Variants in ACTA2 observed in about 807,000 individuals in gnomAD.
ACTA2 encodes actin, aortic smooth muscle.
ACTA2 carries 12 observed loss-of-function variants against 39.5 expected under a neutral mutation model. That is an observed-to-expected ratio of 0.30 (90% CI 0.19 to 0.49). The LOEUF is 0.49. Among genes scored for constraint, ACTA2 ranks in the 20% least tolerant of loss-of-function variants. ACTA2 has a pLI of 0.99. For synonymous variants in ACTA2, 158 were observed against 180.6 expected, an observed-to-expected ratio of 0.88 and a Z score of 1.00; for missense variants, 236 against 498.8, an observed-to-expected ratio of 0.47 and a Z score of 5.02.
At chr10:88,956,033 T>C (rs1846132574), upstream of ACTA2, among the ~76,000 whole-genome samples, 1 of 152,190 alleles carries the variant, frequency 6.6e-6, no homozygotes, top group African/African-American at 2.4e-5. Context: ...ATGTAATTAT[T>C]AGCTATTATT....
At chr10:88,975,051 T>C (rs904785990) in intron 1 of ACTA2, 12 of 152,206 alleles carry the variant, frequency 7.9e-5, no homozygotes, top group East Asian at 3.8e-4. Context: ...ATTTCTAGCA[T>C]GTAGTTCGTG....
At chr10:88,953,408 T>C (rs1288551722), upstream of ACTA2, among the ~76,000 whole-genome samples, 11 of 152,216 alleles carry the variant, frequency 7.2e-5, no homozygotes, top group Admixed American at 1.3e-4. Flanking sequence ...AGCATTACTA[T>C]AACTACATTC....
rs138278009 is a variant in ACTA2, at chr10:88,951,173, G to A, written c.-24+1558C>T. On this transcript the variant is annotated intron_variant, in intron 1 of 8. Coordinates refer to ENST00000224784, the MANE Select transcript of ACTA2 (RefSeq NM_001613.4). ...GATTAAGAAGCTTTAGAAAAGAGGC[G>A]AGAACTATAAAGGAGAAAAAAGGGA... Among the ~76,000 whole-genome samples the A allele has an allele frequency of 5.3e-3, 806 of 152,210 alleles. 8 individuals are homozygous for A. The highest frequency in any genetic ancestry group is 0.017 in the African/African-American group (725 of 41,516).
intron 1 of ACTA2, chr10:88,973,315 A>G: frequency 6.4e-7 from 1 of 1,574,354 alleles, no homozygotes; most frequent in Non-Finnish European, 8.6e-7. Flanking sequence ...CAGCTCTGAG[A>G]GAGACAAGAA....
chr10:88,980,496 T>C (rs929298136), intron 1 of ACTA2, among the ~76,000 whole-genome samples: 3 of 152,192 alleles, frequency 2.0e-5, no homozygotes, highest in African/African-American at 7.2e-5. Flanking sequence ...CTGATGCTTA[T>C]AATTACTCTA....
intron 1 of ACTA2, among the ~76,000 whole-genome samples, chr10:88,958,920 A>G (rs2902336): frequency 0.52 from 79,086 of 151,856 alleles, 21,438 homozygotes; most frequent in East Asian, 0.94. Flanking sequence ...GGATGAGTTG[A>G]TTATTTGAAT....
chr10:88,959,536 C>T (rs571158111), intron 1 of ACTA2, among the ~76,000 whole-genome samples: 1 of 152,222 alleles, frequency 6.6e-6, no homozygotes, highest in African/African-American at 2.4e-5. Flanking sequence ...GTCAATTTTC[C>T]AAAATAAACT....
chr10:88,991,033 G>A (rs1174662178), exon 1 of ACTA2: 7 of 1,300,724 alleles, frequency 5.4e-6, no homozygotes, highest in Non-Finnish European at 6.5e-6. Context: ...TGGGAGCGGC[G>A]GGCTGCTGCG....
At chr10:88,980,347 A>G (rs955680236) in intron 1 of ACTA2, among the ~76,000 whole-genome samples, 1 of 152,242 alleles carries the variant, frequency 6.6e-6, no homozygotes, top group Non-Finnish European at 1.5e-5. Flanking sequence ...AGGAGAGCAC[A>G]TTAGCAAGCA....
chr10:88,970,665 A>G (rs1324844346), intron 1 of ACTA2, among the ~76,000 whole-genome samples: 2 of 152,182 alleles, frequency 1.3e-5, no homozygotes, highest in East Asian at 1.9e-4. Flanking sequence ...TGGGAATTGA[A>G]CAATGAGAAC....
intron 1 of ACTA2, among the ~76,000 whole-genome samples, chr10:88,966,836 A>G (rs1439990187): frequency 2.0e-5 from 3 of 152,168 alleles, no homozygotes. Context: ...TCAAATTTGG[A>G]TTAATTAGGT....
At chr10:88,968,814 A>G (rs979218126) in intron 1 of ACTA2, among the ~76,000 whole-genome samples, 4 of 152,198 alleles carry the variant, frequency 2.6e-5, no homozygotes, top group Non-Finnish European at 4.4e-5. Context: ...TGCATGTTAA[A>G]GAGATTCTGC....
chr10:88,950,262 C>T (rs1036952500), intron 1 of ACTA2, among the ~76,000 whole-genome samples: 3 of 152,188 alleles, frequency 2.0e-5, no homozygotes, highest in Non-Finnish European at 4.4e-5. Context: ...CCAGAGTTAT[C>T]TGCCTGGCAT....
intron 1 of ACTA2, among the ~76,000 whole-genome samples, chr10:88,961,668 G>A (rs1846228406): frequency 6.6e-6 from 1 of 152,146 alleles, no homozygotes; most frequent in Non-Finnish European, 1.5e-5. Context: ...TATGAAAGAG[G>A]ACAAGATCTT....
chr10:88,958,127 C>G (rs1232691210), intron 1 of ACTA2, among the ~76,000 whole-genome samples: 1 of 152,162 alleles, frequency 6.6e-6, no homozygotes. Flanking sequence ...GTGTTTGCCT[C>G]TCTCGTAGCA....
At chr10:88,959,714 C>A (rs2133296100) in intron 1 of ACTA2, among the ~76,000 whole-genome samples, 1 of 152,260 alleles carries the variant, frequency 6.6e-6, no homozygotes, top group Middle Eastern at 3.4e-3. Flanking sequence ...ATTCTGATTT[C>A]CTCAGCTTTT....
At chr10:88,973,332 T>A (rs1393993406) in intron 1 of ACTA2, 1 of 1,541,934 alleles carries the variant, frequency 6.5e-7, no homozygotes, top group Admixed American at 1.9e-5. Flanking sequence ...AGAAGTGGAA[T>A]GGAGAAGGTG....
Position 88,973,349 on chromosome 10 carries a change from T to C in ACTA2, c.-24+17590A>G, listed in dbSNP as rs752888525. The C allele has an allele frequency of 2.3e-4, 338 of 1,496,544 alleles. 1 individual carries two copies. Among genetic ancestry groups the C allele is most frequent in the Non-Finnish European group, 2.6e-4 (289 of 1,119,522 alleles). 92.7% of individuals were successfully genotyped at this position (1,496,544 alleles called of 1,614,324 possible). On this transcript the variant is annotated intron_variant, in intron 1 of 4. Transcript: ENST00000415557. ...AAGTGGAATGGAGAAGGTGATTAGG[T>C]AATCCAAGAATTGCCAGGCGAACAA...
At chr10:88,964,667 G>A (rs1032758992) in intron 1 of ACTA2, among the ~76,000 whole-genome samples, 2 of 152,180 alleles carry the variant, frequency 1.3e-5, no homozygotes, top group East Asian at 1.9e-4. Flanking sequence ...TCTACTTCTC[G>A]ATTGCTTTCA....
Sources: gnomAD v4.1 joint callset for allele counts (sites outside exome capture counted in the v4.1 genomes callset) on GRCh38, gnomAD v4.1.1 for gene constraint, MANE v1.5 for transcripts, NCBI Gene and HGNC (gene_info 2026-07-23, HGNC 2026-07-21) for gene names.